EVI5L: variants seen among roughly 807,000 people sequenced by gnomAD.
EVI5L encodes the protein EVI5-like protein.
In EVI5L, 30 loss-of-function variants were observed where a neutral mutation model predicts 106.1. The observed-to-expected ratio is 0.28, with a 90% CI of 0.21 to 0.38. EVI5L has a LOEUF of 0.38. Among genes scored for constraint, EVI5L ranks in the 10% least tolerant of loss-of-function variants. The pLI, the probability that EVI5L is intolerant of heterozygous loss-of-function variation, is 1.00. For missense variants in EVI5L, 809 were observed against 1,098.0 expected (o/e 0.74, Z 3.72); for synonymous variants, 489 against 483.3 (o/e 1.01, Z -0.15).
chr19:7,842,051 G>A (rs549464581), intron 1 of EVI5L, among the ~76,000 whole-genome samples: 13 of 152,278 alleles, frequency 8.5e-5, no homozygotes, highest in African/African-American at 3.1e-4. Context: ...GCCTGAGTGC[G>A]GGTGCAAGAG....
At chr19:7,852,689 C>A (rs2146430153) in intron 8 of EVI5L, 1 of 233,606 alleles carries the variant, frequency 4.3e-6, no homozygotes. Flanking sequence ...GTAGCTGGAA[C>A]CAGAGGTGTA....
In EVI5L at chr19:7,858,634, G is replaced by A. The variant is rs1652116666; in HGVS notation, c.1374+303G>A. The A allele has an allele frequency of 4.8e-6, 2 of 418,120 alleles. No individual in the cohort carries two copies. The highest frequency in any genetic ancestry group is 8.6e-6 in the Non-Finnish European group (2 of 231,554). 25.9% of individuals were successfully genotyped at this position (418,120 alleles called of 1,614,324 possible). ...GCTGTCCCTGCAGGGTTTCCTCTGT[G>A]TCACAGGCAGCAGACAGGGCTGTGA... On this transcript the variant is annotated intron_variant, in intron 13 of 19. Transcript: ENST00000538904. This position sits in a 1 kb window ranked among gnomAD's most constrained non-coding sequence, Gnocchi z 5.7.
Position 7,845,720 on chromosome 19 carries a change from G to A in EVI5L, c.-47-776G>A, listed in dbSNP as rs953593080. 1.3e-5 allele frequency among the ~76,000 whole-genome samples: 2 copies of A among 152,208 alleles called. No homozygotes were observed. The highest frequency in any genetic ancestry group is 2.4e-5 in the African/African-American group (1 of 41,446). ...TGCCTCCACCAGGGTGGCAGAAGGC[G>A]AGAGGCCAGTGTCCTTGAAGCCCCC... is the stretch of plus-strand genomic sequence containing the variant. On this transcript the variant is annotated intron_variant, in intron 1 of 19. Transcript: ENST00000538904. This position sits in a 1 kb window ranked among gnomAD's most constrained non-coding sequence, Gnocchi z 4.0.
rs878977007 is a variant in EVI5L, at chr19:7,857,160, C to T, written c.1233+36C>T. 8 of 1,550,846 alleles carry T rather than the reference C, an allele frequency of 5.2e-6. No individual in the cohort carries two copies. The highest frequency in any genetic ancestry group is 3.6e-5 in the South Asian group (3 of 84,030). ...TTTTTATCCCCTCTCCGGATTCCTT[C>T]CTGGCCCCTTCCCTGCACCCTGCAC... On this transcript the variant is annotated intron_variant, in intron 12 of 19. Coordinates refer to ENST00000538904, the MANE Select transcript of EVI5L (RefSeq NM_001159944.3). This position sits in a 1 kb window ranked among gnomAD's most constrained non-coding sequence, Gnocchi z 4.5.
chr19:7,850,086 C>T lies in EVI5L; in HGVS notation c.717C>T (p.Leu239=), dbSNP rs143142461. ...RELFKPSMAE[L]GLCIYQFEYM... Reference sequence around the variant, plus strand: ...TCTTCAAACCCAGCATGGCCGAGCTCGGGCTCTGCATCTATCAGTTCGAGT... The same window carrying T: ...TCTTCAAACCCAGCATGGCCGAGCTTGGGCTCTGCATCTATCAGTTCGAGT... Residue 239 remains leucine (L), a synonymous_variant, in exon 6 of 20, where the codon CTC becomes CTT. Transcript: ENST00000538904. This position sits in a 1 kb window ranked among gnomAD's most constrained non-coding sequence, Gnocchi z 5.4. The T allele has an allele frequency of 6.2e-6, 10 of 1,605,126 alleles. No individual in the cohort carries two copies. Among genetic ancestry groups the T allele is most frequent in the East Asian group, 4.5e-5 (2 of 44,630 alleles).
intron 1 of EVI5L, among the ~76,000 whole-genome samples, chr19:7,839,020 T>C (rs1009402139): frequency 2.0e-5 from 3 of 147,296 alleles, no homozygotes; most frequent in Non-Finnish European, 4.5e-5. Flanking sequence ...AAAAAATCCT[T>C]GGCCAGGCAC....
intron 1 of EVI5L, among the ~76,000 whole-genome samples, chr19:7,842,103 AGTAT>A (rs1436006877): frequency 2.6e-5 from 4 of 151,850 alleles, no homozygotes; most frequent in Non-Finnish European, 4.4e-5. Flanking sequence ...AGTGTGAAAG[AGTAT>A]GTGTGTATGC....
At chr19:7,851,652 A>T (rs1568239938) in intron 7 of EVI5L, 29 bp from the exon 8 acceptor site, 1 of 1,583,956 alleles carries the variant, frequency 6.3e-7, no homozygotes, top group Admixed American at 1.9e-5. Context: ...CCTGCCCTCC[A>T]CCTCCCACTG....
Position 7,863,947 on chromosome 19 carries a change from C to T in EVI5L, c.*245C>T, listed in dbSNP as rs1319177969. 7 of 485,550 alleles carry T rather than the reference C, an allele frequency of 1.4e-5. No homozygotes were observed. Among genetic ancestry groups the T allele is most frequent in the Non-Finnish European group, 2.4e-5 (7 of 286,186 alleles). 30.1% of individuals were successfully genotyped at this position (485,550 alleles called of 1,614,324 possible). ...ATCTTGGTCTGTACCCCTCCGGGCC[C>T]TCTGGCGTTCCAGGGGTGCCTGGAG... On this transcript the variant is annotated 3_prime_UTR_variant, in exon 20 of 20. Coordinates refer to ENST00000538904, the MANE Select transcript of EVI5L (RefSeq NM_001159944.3). This position sits in a 1 kb window ranked among gnomAD's most constrained non-coding sequence, Gnocchi z 7.7.
intron 1 of EVI5L, among the ~76,000 whole-genome samples, chr19:7,833,732 C>T (rs886549124): frequency 2.0e-5 from 3 of 152,180 alleles, no homozygotes; most frequent in Non-Finnish European, 2.9e-5. Flanking sequence ...TCCCCAGTGC[C>T]ATCTGTACAC....
At chr19:7,843,441 TG>T (rs1978785121) in intron 1 of EVI5L, among the ~76,000 whole-genome samples, 1 of 137,544 alleles carries the variant, frequency 7.3e-6, no homozygotes, top group Non-Finnish European at 1.5e-5. Flanking sequence ...AGAGTGTGTG[TG>T]TATGGGTGTG....
At position 7,855,999 on chromosome 19, in the gene EVI5L, C is replaced by T; in HGVS notation, c.1147-16C>T. The T allele has an allele frequency of 7.5e-7, 1 of 1,325,668 alleles. No homozygotes were observed. 82.1% of individuals were successfully genotyped at this position (1,325,668 alleles called of 1,614,324 possible). On this transcript the variant is annotated splice_polypyrimidine_tract_variant and intron_variant, in intron 10 of 19. Transcript: ENST00000538904. ...TGGGGGGCGGGCTATGACGTGATCTCCCCCCACCCCCATAGAGACTTCGGA... is the reference window on the plus strand; with the variant it reads ...TGGGGGGCGGGCTATGACGTGATCTTCCCCCACCCCCATAGAGACTTCGGA...
At position 7,860,623 on chromosome 19, in the gene EVI5L, G is replaced by A; in HGVS notation, c.1437G>A (p.Arg479=). ...SHLETELEQS[R]LRETETLGAL... The stretch of plus-strand genomic sequence containing the variant: ...TGGAGACCGAGCTGGAGCAGTCGAG[G>A]CTGCGGGAGACGGAGACACTGGGGG... Residue 479 remains arginine, a synonymous_variant, in exon 14 of 20, where the codon AGG becomes AGA. Transcript: ENST00000538904. 6.3e-7 allele frequency: 1 copy of A among 1,599,870 alleles called. No homozygotes were observed. Among genetic ancestry groups the A allele is most frequent in the South Asian group, 1.1e-5 (1 of 88,932 alleles).
chr19:7,839,417 T>C (rs1978499443), intron 1 of EVI5L, among the ~76,000 whole-genome samples: 2 of 151,182 alleles, frequency 1.3e-5, no homozygotes, highest in African/African-American at 4.9e-5. Flanking sequence ...GAGGACTGAG[T>C]GTGCCAAGCA....
At chr19:7,837,749 G>A (rs1978403160) in intron 1 of EVI5L, among the ~76,000 whole-genome samples, 1 of 152,134 alleles carries the variant, frequency 6.6e-6, no homozygotes, top group African/African-American at 2.4e-5. Context: ...TGCCCAGGGT[G>A]GAGTGCAATT....
intron 1 of EVI5L, among the ~76,000 whole-genome samples, chr19:7,837,794 C>T (rs999151382): frequency 2.0e-5 from 3 of 152,168 alleles, no homozygotes; most frequent in Admixed American, 2.0e-4. Flanking sequence ...ACCTCTGCCT[C>T]CTGGGTTCAA....
intron 1 of EVI5L, among the ~76,000 whole-genome samples, chr19:7,837,481 G>A (rs1011660275): frequency 6.6e-6 from 1 of 152,084 alleles, no homozygotes; most frequent in Non-Finnish European, 1.5e-5. Flanking sequence ...TGATACATTT[G>A]TTGTAGTTAA....
At chr19:7,844,895 T>A (rs1668314483) in intron 1 of EVI5L, among the ~76,000 whole-genome samples, 1 of 152,112 alleles carries the variant, frequency 6.6e-6, no homozygotes, top group African/African-American at 2.4e-5. Context: ...CCCCCAACCC[T>A]ATTCCAGGAG....
In EVI5L at chr19:7,851,514, A is replaced by G. The variant is rs1247553928; in HGVS notation, c.834A>G (p.Thr278=). The G allele has an allele frequency of 1.2e-6, 2 of 1,612,624 alleles. No individual in the cohort carries two copies. Among genetic ancestry groups the G allele is most frequent in the African/African-American group, 1.3e-5 (1 of 74,808 alleles). ...TSMYASSWFL[T]LFLTTFPLPV... is the part of the protein sequence containing the mutation. ...TGTATGCCTCGTCCTGGTTCCTCAC[A>G]CTGTTCCTGACCACCTTCCCACTCC... Residue 278 remains threonine, a synonymous_variant, in exon 7 of 20, where the codon ACA becomes ACG. Transcript: ENST00000538904.
Sources: gnomAD v4.1 joint callset for allele counts (sites outside exome capture counted in the v4.1 genomes callset) on GRCh38, gnomAD v4.1.1 for gene constraint, Gnocchi (gnomAD v3.1) non-coding constraint, MANE v1.5 for transcripts, NCBI Gene and HGNC (gene_info 2026-07-23, HGNC 2026-07-21) for gene names.